Variants in PXDN observed in about 807,000 individuals in gnomAD.
PXDN encodes peroxidasin homolog.
In PXDN, 77 loss-of-function variants were observed where a neutral mutation model predicts 140.3. The ratio of observed to expected loss-of-function variants is 0.55; its 90% CI spans 0.46 to 0.66. PXDN has a LOEUF of 0.66. Among genes scored for constraint, PXDN ranks in the 30% least tolerant of loss-of-function variants. The pLI, the probability that PXDN is intolerant of heterozygous loss-of-function variation, is 0.00. For missense variants in PXDN, 1,838 were observed against 2,039.5 expected (o/e 0.90, Z 1.90); for synonymous variants, 911 against 857.4 (o/e 1.06, Z -1.09).
chr2:1,739,470 A>C (rs1685490984), intron 1 of PXDN, among the ~76,000 whole-genome samples: 1 of 152,216 alleles, frequency 6.6e-6, no homozygotes. Context: ...TGACATATGA[A>C]AAAACACAGA....
chr2:1,639,415 C>T lies in PXDN; in HGVS notation c.3960G>A (p.Arg1320=), dbSNP rs1572114236. The T allele has an allele frequency of 6.2e-7, 1 of 1,613,988 alleles. No individual in the cohort carries two copies. The highest frequency in any genetic ancestry group is 8.5e-7 in the Non-Finnish European group (1 of 1,179,872). The part of the protein sequence containing the change: ...RVWQDCCEDC[R]TRGQFNAFSY... ...AAAAGGCATTGAACTGCCCCCTGGT[C>T]CTACAGTCTAAAATGGAAGCACAAA... The change falls in exon 20 of 23, where the codon AGG becomes AGA. Residue 1320 remains arginine (R), a synonymous_variant. Coordinates refer to ENST00000252804, the MANE Select transcript of PXDN (RefSeq NM_012293.3). This position sits in a 1 kb window ranked among gnomAD's most constrained non-coding sequence, Gnocchi z 5.0.
intron 1 of PXDN, among the ~76,000 whole-genome samples, chr2:1,740,192 G>C (rs1361288553): frequency 6.6e-6 from 1 of 152,228 alleles, no homozygotes; most frequent in African/African-American, 2.4e-5. Context: ...GCTGAGGGTG[G>C]ACAGCCAGGG....
intron 13 of PXDN, 26 bp downstream of exon 13, chr2:1,662,046 G>A: frequency 6.5e-7 from 1 of 1,549,196 alleles, no homozygotes. Flanking sequence ...CTGGGTGGTG[G>A]CTGGCTCGGG....
chr2:1,662,278 C>G (rs1221620642), intron 12 of PXDN, 94 bp from the exon 13 acceptor site: 1 of 1,064,894 alleles, frequency 9.4e-7, no homozygotes, highest in Non-Finnish European at 1.4e-6. Flanking sequence ...CAGGCCCACT[C>G]AGGGATGCTG....
intron 14 of PXDN, among the ~76,000 whole-genome samples, chr2:1,657,876 C>CTCAGTGTCTTTTTGCTCATT (rs1683184694): frequency 6.7e-6 from 1 of 148,250 alleles, no homozygotes; most frequent in African/African-American, 2.6e-5. Context: ...CGTGCCCCCT[C>CTCAGTGTCTTTTTGCTCATT]CTGACCGAAA....
At chr2:1,704,609 GCTCCAGGTAAAGGGGGGGACAA>G (rs1684543093) in intron 1 of PXDN, among the ~76,000 whole-genome samples, 2 of 37,128 alleles carry the variant, frequency 5.4e-5, no homozygotes, top group East Asian at 3.3e-3. Flanking sequence ...AAGGGGGGCA[GCTCCAGGTAAAGGGGGGGACAA>G]CTCCAGGTGA....
intron 13 of PXDN, among the ~76,000 whole-genome samples, chr2:1,661,689 A>G (rs1683307622): frequency 6.6e-6 from 1 of 152,226 alleles, no homozygotes; most frequent in Non-Finnish European, 1.5e-5. Context: ...CTTAATAAAA[A>G]CAGCAAAGAA....
chr2:1,701,157 T>C (rs993351808), intron 1 of PXDN, among the ~76,000 whole-genome samples: 2 of 152,156 alleles, frequency 1.3e-5, no homozygotes, highest in African/African-American at 4.8e-5. Context: ...CATTAACATT[T>C]GCCTGACCTA....
In PXDN at chr2:1,649,444, C is replaced by G; in HGVS notation, c.2336G>C (p.Arg779Pro). Residue 779 changes from arginine (R) to proline (P), a missense_variant, in exon 17 of 23, where the codon CGG becomes CCG. By Grantham distance (103) the Arg-to-Pro change is moderately radical (BLOSUM62 -2). Around this residue, in one of 5 missense-constraint regions of PXDN, gnomAD observed 537 missense variants for 583.9 expected, o/e 0.92. Transcript: ENST00000252804. The surrounding 1 kb of genome is among the most constrained non-coding windows in gnomAD (Gnocchi z 7.1). ...GTACAGTCGGTGGGGGTTGATGCCC[C>G]GAGGGGTGTTGAAGCCATTCTCGTA... ...SVYENGFNTP[R>P]GINPHRLYNG... is the part of the protein sequence containing the mutation. 6.2e-7 allele frequency: 1 copy of G among 1,613,908 alleles called. No individual in the cohort carries two copies. Among genetic ancestry groups the G allele is most frequent in the Non-Finnish European group, 8.5e-7 (1 of 1,179,876 alleles).
In PXDN at chr2:1,714,113, T is replaced by C. The variant is rs1281827855; in HGVS notation, c.201-20979A>G. Among the ~76,000 whole-genome samples the C allele has an allele frequency of 1.3e-5, 2 of 152,222 alleles. No homozygotes were observed. Among genetic ancestry groups the C allele is most frequent in the African/African-American group, 4.8e-5 (2 of 41,462 alleles). ...GCTTCAAGAAAGCGCATCCGTCACC[T>C]TTGGTGACTTCCCCGCCACAACACC... is the stretch of plus-strand genomic sequence containing the variant. On this transcript the variant is annotated intron_variant, in intron 1 of 22. Transcript: ENST00000252804. The surrounding 1 kb of genome is among the most constrained non-coding windows in gnomAD (Gnocchi z 4.3).
At chr2:1,713,901 T>C (rs1465176428) in intron 1 of PXDN, among the ~76,000 whole-genome samples, 1 of 152,094 alleles carries the variant, frequency 6.6e-6, no homozygotes, top group African/African-American at 2.4e-5. Flanking sequence ...AACTTAAGAG[T>C]GCCTCAGCAG....
At position 1,639,303 on chromosome 2, in the gene PXDN, TG is replaced by T. The variant is rs1682656787; in HGVS notation, c.4071del (p.Ser1358ValfsTer46). The T allele has an allele frequency of 6.2e-7, 1 of 1,612,430 alleles. No individual in the cohort carries two copies. Among genetic ancestry groups the T allele is most frequent in the Non-Finnish European group, 8.5e-7 (1 of 1,179,178 alleles). ...PTKKTRPRKIPSVGRQGEHLS... is the reference protein window; with the variant it reads ...PTKKTRPRKIXSVGRQGEHLS... The stretch of plus-strand genomic sequence containing the variant: ...ATTTGACCTCAGAGACCACCATACC[TG>T]GGTATTTTCCGTGGTCTTGTTTTCT... On this transcript the variant is annotated frameshift_variant and splice_region_variant, in exon 20 of 23. Coordinates refer to ENST00000252804, the MANE Select transcript of PXDN (RefSeq NM_012293.3). LOFTEE classifies it high-confidence loss of function. The surrounding 1 kb of genome is among the most constrained non-coding windows in gnomAD (Gnocchi z 5.0).
chr2:1,640,425 T>C (rs1188254697), intron 19 of PXDN, among the ~76,000 whole-genome samples: 1 of 152,180 alleles, frequency 6.6e-6, no homozygotes, highest in Non-Finnish European at 1.5e-5. Flanking sequence ...AGCTTTCCTG[T>C]CTCCCTTGAA....
At position 1,648,188 on chromosome 2, in the gene PXDN, G is replaced by A. The variant is rs570640127; in HGVS notation, c.3592C>T (p.Arg1198Trp). The change falls in exon 17 of 23, where the codon CGG becomes TGG. Residue 1198 changes from arginine to tryptophan, a missense_variant. By Grantham distance (101) the Arg-to-Trp change is moderately radical (BLOSUM62 -3). Transcript: ENST00000252804. The surrounding 1 kb of genome is among the most constrained non-coding windows in gnomAD (Gnocchi z 8.9). Reference sequence around the variant, plus strand: ...TCAGCTCACCTTTTCAGTTTCTCCCGGATCTCAGGGTTTTTAATCTCATTT... The same window carrying A: ...TCAGCTCACCTTTTCAGTTTCTCCCAGATCTCAGGGTTTTTAATCTCATTT... ...LKNEIKNPEI[R>W]EKLKRLYGST... 2.0e-5 allele frequency: 32 copies of A among 1,611,720 alleles called. No individual in the cohort carries two copies. Among genetic ancestry groups the A allele is most frequent in the South Asian group, 9.9e-5 (9 of 91,044 alleles).
Position 1,680,268 on chromosome 2 carries a change from C to T in PXDN, c.655G>A (p.Ala219Thr), listed in dbSNP as rs1334717867. Residue 219 changes from alanine (A) to threonine (T), a missense_variant, in exon 7 of 23, where the codon GCG becomes ACG. Physicochemically the swap from Ala to Thr is moderately conservative, Grantham distance 58. Around this residue, in one of 5 missense-constraint regions of PXDN, gnomAD observed 208 missense variants for 325.8 expected, o/e 0.64. Coordinates refer to ENST00000252804, the MANE Select transcript of PXDN (RefSeq NM_012293.3). ...CGTCTGGGATATTCACAGATGGCCG[C>T]TGCCTGCGCGTTCCCCGACTCCGCG... ...TYAESGNAQA[A>T]AICEYPRRIQ... 6.2e-7 allele frequency: 1 copy of T among 1,613,706 alleles called. No individual in the cohort carries two copies. Among genetic ancestry groups the T allele is most frequent in the African/African-American group, 1.3e-5 (1 of 74,904 alleles).
intron 21 of PXDN, among the ~76,000 whole-genome samples, chr2:1,637,828 G>T (rs1284515314): frequency 6.6e-6 from 1 of 151,278 alleles, no homozygotes; most frequent in East Asian, 2.0e-4. Context: ...TGCGGAGGGA[G>T]GAAGACCTGC....
At chr2:1,724,265 C>T (rs942425042) in intron 1 of PXDN, among the ~76,000 whole-genome samples, 8 of 150,496 alleles carry the variant, frequency 5.3e-5, no homozygotes. Flanking sequence ...TTTTCCATCT[C>T]TACCAACATC....
intron 6 of PXDN, among the ~76,000 whole-genome samples, chr2:1,683,159 A>G (rs1683954840): frequency 6.6e-6 from 1 of 151,748 alleles, no homozygotes; most frequent in Admixed American, 6.6e-5. Flanking sequence ...AGGTGGACAG[A>G]TCGCTTGAGC....
At position 1,633,771 on chromosome 2, in the gene PXDN, A is replaced by G. The variant is rs962770995; in HGVS notation, c.*433T>C. ...CTCTGGCAGCTCCAAGACTCACCCCACCTGCGGGTGACAGGTCTGCCGGCT... is the reference window on the plus strand; with the variant it reads ...CTCTGGCAGCTCCAAGACTCACCCCGCCTGCGGGTGACAGGTCTGCCGGCT... On this transcript the variant is annotated 3_prime_UTR_variant, in exon 23 of 23. Transcript: ENST00000252804. 1.3e-5 allele frequency: 2 copies of G among 153,364 alleles called. No homozygotes were observed. Among genetic ancestry groups the G allele is most frequent in the African/African-American group, 4.8e-5 (2 of 41,348 alleles). 9.5% of individuals were successfully genotyped at this position (153,364 alleles called of 1,614,324 possible).
Sources: gnomAD v4.1 joint callset for allele counts (sites outside exome capture counted in the v4.1 genomes callset) on GRCh38, gnomAD v4.1.1 for gene constraint, gnomAD v4.1.1 regional missense constraint, Gnocchi (gnomAD v3.1) non-coding constraint, MANE v1.5 for transcripts, NCBI Gene and HGNC (gene_info 2026-07-23, HGNC 2026-07-21) for gene names.